NTNG1: variants seen among roughly 807,000 people sequenced by gnomAD.
NTNG1 encodes netrin-G1.
In NTNG1, 16 loss-of-function variants were observed where a neutral mutation model predicts 54.0. The ratio of observed to expected loss-of-function variants is 0.30; its 90% CI spans 0.20 to 0.45. The LOEUF (loss-of-function observed/expected upper bound fraction) is 0.45, where lower values mean the gene tolerates loss of function less well. NTNG1 is among the 20% of genes least tolerant of loss of function. NTNG1 has a pLI of 1.00. For synonymous variants in NTNG1, 255 were observed against 263.1 expected (o/e 0.97, Z 0.30); for missense variants, 530 against 678.7 (o/e 0.78, Z 2.43).
At chr1:107,168,616 A>G (rs187707609) in intron 2 of NTNG1, among the ~76,000 whole-genome samples, 5 of 152,104 alleles carry the variant, frequency 3.3e-5, no homozygotes, top group African/African-American at 1.2e-4. Flanking sequence ...AGCTTAAAAT[A>G]ATCATATTTT....
chr1:107,190,009 G>A (rs1020988318), intron 2 of NTNG1, among the ~76,000 whole-genome samples: 1 of 152,008 alleles, frequency 6.6e-6, no homozygotes, highest in African/African-American at 2.4e-5. Context: ...TTTGATACAT[G>A]CTACAATATG....
chr1:107,312,208 G>A (rs1238953008), intron 2 of NTNG1, among the ~76,000 whole-genome samples: 1 of 152,084 alleles, frequency 6.6e-6, no homozygotes, highest in Non-Finnish European at 1.5e-5. Context: ...GAATGAAGCT[G>A]CGGTGAAAAA....
chr1:107,354,479 A>C (rs1669821241), intron 3 of NTNG1, among the ~76,000 whole-genome samples: 1 of 151,482 alleles, frequency 6.6e-6, no homozygotes, highest in Admixed American at 6.6e-5. Flanking sequence ...AAAAAAAAAA[A>C]AAAAAAAAAA....
At chr1:107,376,528 A>G (rs1421078070) in intron 3 of NTNG1, among the ~76,000 whole-genome samples, 2 of 152,330 alleles carry the variant, frequency 1.3e-5, no homozygotes, top group East Asian at 1.9e-4. Context: ...AAAAAGGCAA[A>G]GGATCCCAAT....
At chr1:107,439,277 C>CAT (rs142597412) in intron 7 of NTNG1, among the ~76,000 whole-genome samples, 26 of 145,784 alleles carry the variant, frequency 1.8e-4, no homozygotes, top group Admixed American at 1.1e-3. Context: ...CCAGAACTTG[C>CAT]GTGTGTGTGT....
chr1:107,262,678 C>T (rs946342686), intron 2 of NTNG1, among the ~76,000 whole-genome samples: 8 of 152,180 alleles, frequency 5.3e-5, no homozygotes, highest in African/African-American at 1.9e-4. Context: ...TGTTGAAAAT[C>T]GCTTATGTTG....
At chr1:107,191,205 G>T (rs1254954636) in intron 2 of NTNG1, among the ~76,000 whole-genome samples, 14 of 150,808 alleles carry the variant, frequency 9.3e-5, no homozygotes, top group South Asian at 2.1e-4. Context: ...TCATGTGTCT[G>T]TTGGCTGCAT....
intron 3 of NTNG1, among the ~76,000 whole-genome samples, chr1:107,386,145 G>GTATGTATATATATATATA (rs1557954565): frequency 4.3e-5 from 2 of 46,538 alleles, no homozygotes; most frequent in East Asian, 1.3e-3. Flanking sequence ...ATATATATAT[G>GTATGTATATATATATATA]TGTGTATATA....
At chr1:107,426,321 T>G (rs1674908196) in intron 5 of NTNG1, among the ~76,000 whole-genome samples, 1 of 152,120 alleles carries the variant, frequency 6.6e-6, no homozygotes, top group Admixed American at 6.6e-5. Flanking sequence ...ATGTAGGTCC[T>G]TAATCCATCT....
At chr1:107,226,401 T>C (rs1446245544) in intron 2 of NTNG1, among the ~76,000 whole-genome samples, 1 of 152,158 alleles carries the variant, frequency 6.6e-6, no homozygotes, top group African/African-American at 2.4e-5. Flanking sequence ...TGTTCCTTTT[T>C]TCCCTCTCTC....
intron 2 of NTNG1, among the ~76,000 whole-genome samples, chr1:107,278,445 C>T (rs2101716509): frequency 6.6e-6 from 1 of 152,242 alleles, no homozygotes; most frequent in East Asian, 1.9e-4. Flanking sequence ...TATTCATAAG[C>T]ATGTAGTAGA....
At chr1:107,190,776 A>G (rs1444151238) in intron 2 of NTNG1, among the ~76,000 whole-genome samples, 1 of 152,162 alleles carries the variant, frequency 6.6e-6, no homozygotes, top group African/African-American at 2.4e-5. Context: ...TTATGGCTGC[A>G]TAGTATTCCA....
At chr1:107,303,423 C>T (rs111456539) in intron 2 of NTNG1, among the ~76,000 whole-genome samples, 10 of 152,024 alleles carry the variant, frequency 6.6e-5, no homozygotes, top group East Asian at 1.9e-4. Context: ...AAGATTTATC[C>T]GACAAGTAAG....
intron 4 of NTNG1, among the ~76,000 whole-genome samples, chr1:107,404,968 G>A (rs1673311106): frequency 6.6e-6 from 1 of 152,108 alleles, no homozygotes; most frequent in African/African-American, 2.4e-5. Context: ...CATAGTCACT[G>A]TTTGTTGTAA....
chr1:107,164,575 G>GT (rs1213539833), intron 2 of NTNG1, among the ~76,000 whole-genome samples: 1 of 152,186 alleles, frequency 6.6e-6, no homozygotes, highest in Non-Finnish European at 1.5e-5. Flanking sequence ...AAGTACACCA[G>GT]TAACTACTAC....
chr1:107,179,511 T>C (rs1029914269), intron 2 of NTNG1, among the ~76,000 whole-genome samples: 1 of 152,194 alleles, frequency 6.6e-6, no homozygotes, highest in Non-Finnish European at 1.5e-5. Context: ...AAATTATTTT[T>C]ACTGTTTTCT....
At chr1:107,166,808 A>G (rs1655829853) in intron 2 of NTNG1, among the ~76,000 whole-genome samples, 1 of 152,126 alleles carries the variant, frequency 6.6e-6, no homozygotes. Context: ...TTTGCCTATC[A>G]AAAACGTTCT....
chr1:107,282,526 C>A (rs1664932485), intron 2 of NTNG1, among the ~76,000 whole-genome samples: 1 of 152,140 alleles, frequency 6.6e-6, no homozygotes, highest in African/African-American at 2.4e-5. Context: ...GTACTACCTC[C>A]TGAATATTCA....
intron 2 of NTNG1, among the ~76,000 whole-genome samples, chr1:107,313,151 C>T (rs985567208): frequency 1.3e-5 from 2 of 152,118 alleles, no homozygotes; most frequent in Admixed American, 6.6e-5. Context: ...TAGTCTCCAT[C>T]AGTCTGAAAT....
Sources: gnomAD v4.1 joint callset for allele counts (sites outside exome capture counted in the v4.1 genomes callset) on GRCh38, gnomAD v4.1.1 for gene constraint, MANE v1.5 for transcripts, NCBI Gene and HGNC (gene_info 2026-07-23, HGNC 2026-07-21) for gene names.